Variants in AFDN observed in about 807,000 individuals in gnomAD.
AFDN encodes afadin.
Under a neutral mutation model 216.6 loss-of-function variants are expected in AFDN, and 68 were observed. The ratio of observed to expected loss-of-function variants is 0.31; its 90% CI spans 0.26 to 0.38. The LOEUF (loss-of-function observed/expected upper bound fraction) is 0.38, where lower values mean the gene tolerates loss of function less well. Ranked by LOEUF, AFDN falls within the 10% of genes least tolerant of loss-of-function variation. The pLI is 1.00. For missense variants in AFDN, 2,136 were observed against 2,342.0 expected, an observed-to-expected ratio of 0.91 and a Z score of 1.82; for synonymous variants, 868 against 853.7, an observed-to-expected ratio of 1.02 and a Z score of -0.29.
chr6:167,861,532 A>G (rs1002949580), intron 1 of AFDN, among the ~76,000 whole-genome samples: 7 of 152,166 alleles, frequency 4.6e-5, no homozygotes, highest in African/African-American at 7.2e-5. Flanking sequence ...TAGCTGGGCC[A>G]CATTGGTAAT....
chr6:167,845,712 T>G (rs945426362), intron 1 of AFDN, among the ~76,000 whole-genome samples: 1 of 152,204 alleles, frequency 6.6e-6, no homozygotes, highest in African/African-American at 2.4e-5. Context: ...TTTCTTATTT[T>G]TAGGGGACTT....
intron 27 of AFDN, 113 bp downstream of exon 27, chr6:167,947,014 A>T (rs1795345263): frequency 1.1e-6 from 1 of 929,890 alleles, no homozygotes. Flanking sequence ...AACATTGGCT[A>T]ACTAGGATAT....
At chr6:167,908,083 A>G (rs975117450) in intron 13 of AFDN, among the ~76,000 whole-genome samples, 7 of 152,264 alleles carry the variant, frequency 4.6e-5, no homozygotes, top group Non-Finnish European at 7.3e-5. Flanking sequence ...TCTCATTATC[A>G]GCAGTGAAAC....
intron 1 of AFDN, among the ~76,000 whole-genome samples, chr6:167,850,908 T>G (rs1782227547): frequency 6.6e-6 from 1 of 152,114 alleles, no homozygotes; most frequent in Admixed American, 6.5e-5. Context: ...TGTGACAAAG[T>G]CTTGCTCTGT....
Position 167,946,910 on chromosome 6 carries a change from G to A in AFDN, c.3553+9G>A, listed in dbSNP as rs1207520792. The A allele has an allele frequency of 1.2e-6, 2 of 1,603,166 alleles. No homozygotes were observed. The highest frequency in any genetic ancestry group is 1.1e-5 in the South Asian group (1 of 88,458). ...CAGCCCCAACGTAGCAAGTAAGAGT[G>A]ACACTTTTTTGCTTCCTAAGTACAC... On this transcript the variant is annotated intron_variant, in intron 27 of 33. Coordinates refer to ENST00000683244, the MANE Select transcript of AFDN (RefSeq NM_001386888.1).
intron 23 of AFDN, among the ~76,000 whole-genome samples, chr6:167,938,551 T>C (rs1794299907): frequency 6.6e-6 from 1 of 152,216 alleles, no homozygotes; most frequent in South Asian, 2.1e-4. Flanking sequence ...AAAATATCAG[T>C]AGTACATGAT....
At chr6:167,939,769 A>G (rs768964402) in intron 23 of AFDN, among the ~76,000 whole-genome samples, 8 of 152,330 alleles carry the variant, frequency 5.3e-5, no homozygotes, top group Non-Finnish European at 7.4e-5. Flanking sequence ...GATTTAACAA[A>G]TAGGGGCGGT....
chr6:167,914,118 ATTAC>A, intron 16 of AFDN, 46 bp from the exon 17 acceptor site: 3 of 1,594,798 alleles, frequency 1.9e-6, no homozygotes, highest in Non-Finnish European at 1.7e-6. Context: ...TTATATTTTT[ATTAC>A]TTTTGTTTAT....
intron 9 of AFDN, 82 bp from the exon 10 acceptor site, chr6:167,896,796 A>G: frequency 3.7e-6 from 3 of 800,252 alleles, no homozygotes; most frequent in Non-Finnish European, 6.2e-6. Flanking sequence ...GTAGTGCCTG[A>G]GATAACCTTT....
At chr6:167,866,908 G>T (rs1413890396) in intron 2 of AFDN, among the ~76,000 whole-genome samples, 1 of 152,182 alleles carries the variant, frequency 6.6e-6, no homozygotes, top group Non-Finnish European at 1.5e-5. Context: ...GCCCTAGTGA[G>T]CTAAAGCCCC....
At chr6:167,847,107 A>C (rs917340231) in intron 1 of AFDN, among the ~76,000 whole-genome samples, 3 of 152,152 alleles carry the variant, frequency 2.0e-5, no homozygotes. Context: ...CTCTCCTCAA[A>C]GTCATTAAAG....
rs145207266 is a variant in AFDN at position 167,942,279 on chromosome 6, G to A, written c.3100-850G>A. Among the ~76,000 whole-genome samples the A allele has an allele frequency of 3.2e-4, 48 of 152,254 alleles. 1 individual carries two copies. Among genetic ancestry groups the A allele is most frequent in the African/African-American group, 1.1e-3 (45 of 41,548 alleles). On this transcript the variant is annotated intron_variant, in intron 23 of 33. Transcript: ENST00000683244. Reference sequence around the variant, plus strand: ...AAGTCATGTGTTGAATCGTATCTTCGTACCTTTCTGTGCTGTATTTTTACT... The same window carrying A: ...AAGTCATGTGTTGAATCGTATCTTCATACCTTTCTGTGCTGTATTTTTACT...
At chr6:167,902,076 G>A (rs1445687741) in intron 11 of AFDN, among the ~76,000 whole-genome samples, 1 of 133,020 alleles carries the variant, frequency 7.5e-6, no homozygotes, top group Non-Finnish European at 1.6e-5. Flanking sequence ...CTGGGCAACA[G>A]AGTGAGACTT....
chr6:167,856,829 A>T lies in AFDN; in HGVS notation c.106-7722A>T, dbSNP rs541807990. On this transcript the variant is annotated intron_variant, in intron 1 of 33. Transcript: ENST00000683244. Reference sequence around the variant, plus strand: ...GTTTTAGTGTCATATATATATGACAAATATATTTATTAAGCCTGTTTTATG... The same window carrying T: ...GTTTTAGTGTCATATATATATGACATATATATTTATTAAGCCTGTTTTATG... Among the ~76,000 whole-genome samples, 3 of 152,218 alleles carry T rather than the reference A, an allele frequency of 2.0e-5. No homozygotes were observed. The East Asian group carries it at 5.8e-4, about 29-fold the overall frequency.
chr6:167,930,102 G>A (rs1583449876), intron 23 of AFDN, among the ~76,000 whole-genome samples: 2 of 152,116 alleles, frequency 1.3e-5, no homozygotes, highest in Admixed American at 6.5e-5. Flanking sequence ...TTACACTGGC[G>A]GCTGAGGCAG....
In AFDN at chr6:167,951,174, T is replaced by C. The variant is rs777786979; in HGVS notation, c.3832-12T>C. On this transcript the variant is annotated splice_polypyrimidine_tract_variant and intron_variant, in intron 29 of 33. Transcript: ENST00000683244. This position sits in a 1 kb window ranked among gnomAD's most constrained non-coding sequence, Gnocchi z 7.1. ...AATGGCTGAAATATAATAATTCTTT[T>C]TCTTTTTGCAGCGTGTTACACGTTC... The C allele has an allele frequency of 6.6e-7, 1 of 1,519,550 alleles. No homozygotes were observed. Among genetic ancestry groups the C allele is most frequent in the Non-Finnish European group, 8.8e-7 (1 of 1,135,286 alleles). The allele number at this position is 1,519,550 out of a possible 1,614,324, so 94.1% of individuals were successfully genotyped here.
At chr6:167,924,844 A>T (rs867658922) in intron 22 of AFDN, 161 bp from the exon 23 acceptor site, 2 of 692,592 alleles carry the variant, frequency 2.9e-6, no homozygotes, top group Middle Eastern at 4.8e-4. Context: ...ATACCTGAAG[A>T]GTATCTATAT....
chr6:167,894,754 T>G (rs1466897588), intron 9 of AFDN, among the ~76,000 whole-genome samples: 1 of 152,210 alleles, frequency 6.6e-6, no homozygotes, highest in East Asian at 1.9e-4. Flanking sequence ...AAGCAGCTTC[T>G]GTCTCTCCCT....
intron 17 of AFDN, 84 bp downstream of exon 17, chr6:167,914,397 A>T: frequency 1.3e-6 from 2 of 1,522,504 alleles, no homozygotes; most frequent in East Asian, 4.6e-5. Flanking sequence ...ACTAATTTTA[A>T]GATTTATATT....
Sources: allele counts gnomAD v4.1 joint callset (sites outside exome capture counted in the v4.1 genomes callset), GRCh38; gene constraint gnomAD v4.1.1; non-coding constraint Gnocchi (gnomAD v3.1); transcripts MANE v1.5; gene names NCBI Gene and HGNC (gene_info 2026-07-23, HGNC 2026-07-21).